ENOX1: variants seen among roughly 807,000 people sequenced by gnomAD.
ENOX1 encodes ecto-NOX disulfide-thiol exchanger 1.
Under a neutral mutation model 82.5 loss-of-function variants are expected in ENOX1, and 42 were observed. The observed-to-expected ratio is 0.51, with a 90% CI of 0.40 to 0.66. The LOEUF (loss-of-function observed/expected upper bound fraction) is 0.66. Among genes scored for constraint, ENOX1 ranks in the 30% least tolerant of loss-of-function variants. ENOX1 has a pLI of 0.00. For missense variants in ENOX1, 608 were observed against 811.6 expected, an observed-to-expected ratio of 0.75 and a Z score of 3.05; for synonymous variants, 271 against 282.2, an observed-to-expected ratio of 0.96 and a Z score of 0.40.
chr13:43,773,238 A>T (rs1283963833), intron 1 of ENOX1, among the ~76,000 whole-genome samples: 1 of 152,244 alleles, frequency 6.6e-6, no homozygotes, highest in East Asian at 1.9e-4. Flanking sequence ...ATGACTGCTT[A>T]AGGAGTATAG....
chr13:43,762,840 G>A (rs1594731013), intron 1 of ENOX1, among the ~76,000 whole-genome samples: 1 of 152,180 alleles, frequency 6.6e-6, no homozygotes. Flanking sequence ...ATATTTATGG[G>A]AAATTTCTAT....
chr13:43,331,901 T>C (rs2048428456), intron 9 of ENOX1, among the ~76,000 whole-genome samples: 2 of 152,164 alleles, frequency 1.3e-5, no homozygotes, highest in African/African-American at 2.4e-5. Flanking sequence ...ATGAAGGAGC[T>C]GGCAGTCAGC....
intron 2 of ENOX1, among the ~76,000 whole-genome samples, chr13:43,571,966 A>G (rs1050853471): frequency 1.3e-5 from 2 of 152,106 alleles, no homozygotes; most frequent in African/African-American, 2.4e-5. Flanking sequence ...AAGCAGGAGC[A>G]GGCAGTCACC....
intron 13 of ENOX1, among the ~76,000 whole-genome samples, chr13:43,267,098 G>A (rs184401123): frequency 9.0e-4 from 137 of 152,210 alleles, no homozygotes; most frequent in African/African-American, 3.2e-3. Flanking sequence ...TGCCAGAACC[G>A]TGGAGGAAAC....
chr13:43,217,742 AC>A (rs1315159444), intron 16 of ENOX1, among the ~76,000 whole-genome samples: 1 of 152,156 alleles, frequency 6.6e-6, no homozygotes, highest in Admixed American at 6.5e-5. Flanking sequence ...CATTTCCAAG[AC>A]AAGGGAATTG....
rs1411012746 is a variant in ENOX1 at position 43,466,219 on chromosome 13, CTA to C, written c.-75+17788_-75+17789del. Reference sequence around the variant, plus strand: ...AAATTCCAATAATAAAAGAGAAAAACTATATGACGATTCAATGGAAACAGAAA... The same window carrying C: ...AAATTCCAATAATAAAAGAGAAAAACTATGACGATTCAATGGAAACAGAAA... On this transcript the variant is annotated intron_variant, in intron 3 of 16. Coordinates refer to ENST00000690772, the MANE Select transcript of ENOX1 (RefSeq NM_001347969.2). 2.0e-5 allele frequency among the ~76,000 whole-genome samples: 3 copies of C among 151,656 alleles called. No individual in the cohort carries two copies. In the East Asian group the frequency reaches 5.8e-4, roughly 29 times the overall value.
intron 1 of ENOX1, among the ~76,000 whole-genome samples, chr13:43,711,888 G>T (rs1216927631): frequency 6.8e-6 from 1 of 146,774 alleles, no homozygotes; most frequent in African/African-American, 2.5e-5. Context: ...TCACTCTGAT[G>T]GTAGTTTCTT....
chr13:43,273,458 T>C (rs549758355), intron 12 of ENOX1, among the ~76,000 whole-genome samples: 1 of 152,308 alleles, frequency 6.6e-6, no homozygotes, highest in East Asian at 1.9e-4. Flanking sequence ...TCCCCAGACA[T>C]GCCAGCTGCT....
At chr13:43,290,289 ATGC>A (rs963080156) in intron 12 of ENOX1, among the ~76,000 whole-genome samples, 14 of 152,216 alleles carry the variant, frequency 9.2e-5, no homozygotes, top group Admixed American at 5.2e-4. Context: ...GTTCATTGCT[ATGC>A]TATTCACAAT....
chr13:43,394,924 A>G (rs1233981115), intron 5 of ENOX1: 1 of 151,920 alleles, frequency 6.6e-6, no homozygotes, highest in Non-Finnish European at 1.5e-5. Flanking sequence ...AGATTAGCAG[A>G]TAGATTTCTT....
intron 2 of ENOX1, among the ~76,000 whole-genome samples, chr13:43,497,450 A>G (rs1242299196): frequency 6.6e-6 from 1 of 152,102 alleles, no homozygotes; most frequent in Non-Finnish European, 1.5e-5. Flanking sequence ...CTGAGTTTTT[A>G]TCATGATTAG....
intron 8 of ENOX1, among the ~76,000 whole-genome samples, chr13:43,350,541 G>A (rs2049707981): frequency 6.6e-6 from 1 of 152,200 alleles, no homozygotes; most frequent in East Asian, 1.9e-4. Context: ...CACCTCCTGG[G>A]TTCAAGTGAT....
chr13:43,582,205 C>G (rs2080776464), intron 2 of ENOX1, among the ~76,000 whole-genome samples: 1 of 150,930 alleles, frequency 6.6e-6, no homozygotes, highest in African/African-American at 2.4e-5. Flanking sequence ...ATTTTGAGGT[C>G]AAGGAAGAAA....
At chr13:43,784,964 G>A (rs976118659) in intron 1 of ENOX1, among the ~76,000 whole-genome samples, 2 of 152,122 alleles carry the variant, frequency 1.3e-5, no homozygotes, top group East Asian at 1.9e-4. Context: ...TTCTTCAAAG[G>A]CTCTAAATAA....
intron 2 of ENOX1, among the ~76,000 whole-genome samples, chr13:43,537,322 A>C (rs1052750845): frequency 1.3e-5 from 2 of 152,212 alleles, no homozygotes; most frequent in African/African-American, 4.8e-5. Flanking sequence ...AGGCACAGCA[A>C]CTGGAAACCT....
chr13:43,782,149 TTG>T (rs1304956855), intron 1 of ENOX1, among the ~76,000 whole-genome samples: 2 of 152,232 alleles, frequency 1.3e-5, no homozygotes, highest in African/African-American at 2.4e-5. Flanking sequence ...AATGTAAGTA[TTG>T]TGTGTGTTTG....
intron 9 of ENOX1, among the ~76,000 whole-genome samples, chr13:43,329,899 G>A (rs988242019): frequency 6.6e-5 from 10 of 152,152 alleles, no homozygotes; most frequent in South Asian, 6.2e-4. Flanking sequence ...GGGCACACAC[G>A]AAAAAGGACT....
chr13:43,596,451 C>T (rs2081477568), intron 2 of ENOX1, among the ~76,000 whole-genome samples: 1 of 152,246 alleles, frequency 6.6e-6, no homozygotes, highest in Non-Finnish European at 1.5e-5. Flanking sequence ...CAGATCCTTC[C>T]TCTTTGCAGC....
intron 12 of ENOX1, among the ~76,000 whole-genome samples, chr13:43,290,702 A>G (rs1252069586): frequency 2.0e-5 from 3 of 152,218 alleles, no homozygotes; most frequent in Admixed American, 6.5e-5. Flanking sequence ...TTCCCATGTA[A>G]CAAATCTGCA....
Sources: gnomAD v4.1 joint callset for allele counts (sites outside exome capture counted in the v4.1 genomes callset) on GRCh38, gnomAD v4.1.1 for gene constraint, MANE v1.5 for transcripts, NCBI Gene and HGNC (gene_info 2026-07-23, HGNC 2026-07-21) for gene names.